The following RAB5IF variants were observed in gnomAD, a reference collection of about 807,000 sequenced individuals.
RAB5IF encodes the protein RAB5 interacting factor.
Under a neutral mutation model 20.3 loss-of-function variants are expected in RAB5IF, and 15 were observed. That is an observed-to-expected ratio of 0.74 (90% CI 0.50 to 1.14). The LOEUF is 1.14. RAB5IF is among the 50% of genes most tolerant of loss of function. The pLI, the probability that RAB5IF is intolerant of heterozygous loss-of-function variation, is 0.00. For missense variants in RAB5IF, 148 were observed against 159.5 expected (o/e 0.93, Z 0.39); for synonymous variants, 67 against 63.7 (o/e 1.05, Z -0.25).
At chr20:36,607,265 T>C (rs1198355158) in intron 1 of RAB5IF, among the ~76,000 whole-genome samples, 11 of 151,124 alleles carry the variant, frequency 7.3e-5, no homozygotes, top group African/African-American at 2.7e-4. Context: ...GTATCTTTTT[T>C]TTTTTTTTTT....
intron 3 of RAB5IF, among the ~76,000 whole-genome samples, chr20:36,610,301 A>G (rs1246326245): frequency 6.6e-6 from 1 of 152,108 alleles, no homozygotes; most frequent in African/African-American, 2.4e-5. Context: ...GAAACTAGGA[A>G]ATATTTTTCA....
chr20:36,609,196 C>CTATATT (rs1568595486), intron 2 of RAB5IF, among the ~76,000 whole-genome samples: 3 of 46,634 alleles, frequency 6.4e-5, no homozygotes, highest in Non-Finnish European at 1.2e-4. Context: ...CACACACACG[C>CTATATT]ACACACGCAC....
At chr20:36,611,719 G>T (rs1446366997) in intron 3 of RAB5IF, among the ~76,000 whole-genome samples, 1 of 152,072 alleles carries the variant, frequency 6.6e-6, no homozygotes, top group Non-Finnish European at 1.5e-5. Context: ...AGTGTAATAT[G>T]CTTTACTTGA....
chr20:36,606,050 G>C lies in RAB5IF; in HGVS notation c.99G>C (p.Ala33=), dbSNP rs558353606. ...SVWSKVLRSD[A]AWEDKDEFLD... ...GGAGTAAGGTGCTGCGGAGCGACGCGGCCTGGGAGGATAAGGTACGGTGGA... is the reference window on the plus strand; with the variant it reads ...GGAGTAAGGTGCTGCGGAGCGACGCCGCCTGGGAGGATAAGGTACGGTGGA... The change falls in exon 1 of 4, where the codon GCG becomes GCC. Residue 33 remains alanine, a synonymous_variant. Transcript: ENST00000344795. The C allele has an allele frequency of 6.6e-7, 1 of 1,511,830 alleles. No individual in the cohort carries two copies. The highest frequency in any genetic ancestry group is 2.1e-5 in the Admixed American group (1 of 48,068). The allele number at this position is 1,511,830 out of a possible 1,614,324, so 93.7% of individuals were successfully genotyped here.
rs202088044 is a variant in RAB5IF at position 36,612,157 on chromosome 20, C to T, written c.*106C>T. ...CCCCAGCCCCTTGGAACTTGGAAGA[C>T]CCGTGTTTCCTGGACCGCGAATCAG... On this transcript the variant is annotated 3_prime_UTR_variant, in exon 4 of 4. Transcript: ENST00000344795. 46 of 1,614,092 alleles carry T rather than the reference C, an allele frequency of 2.8e-5. No homozygotes were observed. Among genetic ancestry groups the T allele is most frequent in the Admixed American group, 1.8e-4 (11 of 59,998 alleles).
chr20:36,609,537 G>A (rs2039058766), intron 2 of RAB5IF, 64 bp from the exon 3 acceptor site: 1 of 1,517,752 alleles, frequency 6.6e-7, no homozygotes, highest in African/African-American at 1.4e-5. Context: ...ACCACACCCG[G>A]CCCCGAGTTC....
intron 3 of RAB5IF, among the ~76,000 whole-genome samples, chr20:36,611,538 ACT>A (rs1455188620): frequency 1.3e-5 from 2 of 151,032 alleles, no homozygotes; most frequent in Non-Finnish European, 2.9e-5. Flanking sequence ...ATGTGTCCAG[ACT>A]CTAACCCAAA....
intron 2 of RAB5IF, among the ~76,000 whole-genome samples, chr20:36,609,219 G>GCACACACGCA (rs2039034627): frequency 2.3e-5 from 1 of 42,774 alleles, no homozygotes; most frequent in Non-Finnish European, 4.4e-5. Context: ...ACGCACACAC[G>GCACACACGCA]CACACACACA....
At chr20:36,609,207 ACACGCACACACG>A (rs1412366029) in intron 2 of RAB5IF, among the ~76,000 whole-genome samples, 1,090 of 65,778 alleles carry the variant, frequency 0.017, 292 homozygotes, top group African/African-American at 0.024. Flanking sequence ...ACACACGCAC[ACACGCACACACG>A]CACACACACA....
At position 36,612,371 on chromosome 20, in the gene RAB5IF, CATTAA is replaced by C. The variant is rs2039145868; in HGVS notation, c.*324_*328del. On this transcript the variant is annotated 3_prime_UTR_variant, in exon 4 of 4. Coordinates refer to ENST00000344795, the MANE Select transcript of RAB5IF (RefSeq NM_018840.5). ...GATGCACCTCTGGATTCAGATGAAA[CATTAA>C]ATTGTCTTCCTCGATTCTCCATCGG... 1.4e-6 allele frequency: 1 copy of C among 728,126 alleles called. No individual in the cohort carries two copies. Among genetic ancestry groups the C allele is most frequent in the Non-Finnish European group, 2.3e-6 (1 of 427,078 alleles). The allele number at this position is 728,126 out of a possible 1,614,324, so 45.1% of individuals were successfully genotyped here. A position where few individuals can be genotyped will look rare whatever the true frequency, so the allele number is the denominator to read the frequency against.
chr20:36,609,693 C>T lies in RAB5IF; in HGVS notation c.311C>T (p.Thr104Met), dbSNP rs757230747. Residue 104 changes from threonine (T) to methionine (M), a missense_variant, in exon 3 of 4, where the codon ACG (threonine) becomes ATG (methionine). By Grantham distance (81) the Thr-to-Met change is moderately conservative. Transcript: ENST00000344795. The stretch of plus-strand genomic sequence containing the variant: ...GAATATGGTGGCACGTGGGAGCTCA[C>T]GAAGGAAGGGTTTATGACCTCTTTT... ...EEEYGGTWELTKEGFMTSFAL... is the reference protein window; with the variant it reads ...EEEYGGTWELMKEGFMTSFAL... 5.6e-6 allele frequency: 9 copies of T among 1,614,140 alleles called. No homozygotes were observed. Among genetic ancestry groups the T allele is most frequent in the Admixed American group, 1.7e-5 (1 of 60,012 alleles).
chr20:36,606,196 G>A lies in RAB5IF; in HGVS notation c.114+131G>A, dbSNP rs1015228840. ...TAGGGCAGTGGGGCGGGTGGCCCAA[G>A]GGTGTCAGAGCAAACTTGGCGGGCA... On this transcript the variant is annotated intron_variant, in intron 1 of 3. Transcript: ENST00000344795. The A allele has an allele frequency of 7.8e-6, 4 of 511,912 alleles. No individual in the cohort carries two copies. In the South Asian group the frequency reaches 1.5e-4, roughly 20 times the overall value. 31.7% of individuals were successfully genotyped at this position (511,912 alleles called of 1,614,324 possible).
chr20:36,611,926 A>T, intron 3 of RAB5IF, 84 bp from the exon 4 acceptor site: 2 of 1,578,784 alleles, frequency 1.3e-6, no homozygotes, highest in Non-Finnish European at 1.7e-6. Context: ...CCCCGTGTTT[A>T]CATTCTCATC....
At chr20:36,609,551 G>C (rs762540052) in intron 2 of RAB5IF, 50 bp from the exon 3 acceptor site, 1 of 1,526,472 alleles carries the variant, frequency 6.6e-7, no homozygotes. Flanking sequence ...CGAGTTCTGA[G>C]TCTTCTAAGC....
chr20:36,611,557 A>G (rs1262299772), intron 3 of RAB5IF, among the ~76,000 whole-genome samples: 2 of 152,030 alleles, frequency 1.3e-5, no homozygotes, highest in Non-Finnish European at 2.9e-5. Flanking sequence ...CAAACCAATA[A>G]AATCTTTTGA....
chr20:36,606,314 G>T (rs1304679239), intron 1 of RAB5IF, among the ~76,000 whole-genome samples: 1 of 152,246 alleles, frequency 6.6e-6, no homozygotes, highest in African/African-American at 2.4e-5. Context: ...GGGGAGAGGC[G>T]TTGTCATTCG....
At chr20:36,610,696 T>C (rs1222647886) in intron 3 of RAB5IF, among the ~76,000 whole-genome samples, 1 of 146,814 alleles carries the variant, frequency 6.8e-6, no homozygotes, top group East Asian at 2.0e-4. Flanking sequence ...CGAGACTCCG[T>C]CTCAAAAAAA....
intron 2 of RAB5IF, among the ~76,000 whole-genome samples, chr20:36,609,156 T>TACATACATACATATATACAC: frequency 9.4e-4 from 16 of 17,052 alleles, no homozygotes; most frequent in Non-Finnish European, 1.5e-3. Context: ...AGAACTATAT[T>TACATACATACATATATACAC]ACACACACAC....
At chr20:36,610,194 G>C (rs2039073950) in intron 3 of RAB5IF, among the ~76,000 whole-genome samples, 1 of 151,186 alleles carries the variant, frequency 6.6e-6, no homozygotes, top group African/African-American at 2.4e-5. Flanking sequence ...CGAGGCATGA[G>C]AATCGCTTGA....
Sources: allele counts gnomAD v4.1 joint callset (sites outside exome capture counted in the v4.1 genomes callset), GRCh38; gene constraint gnomAD v4.1.1; transcripts MANE v1.5; gene names NCBI Gene and HGNC (gene_info 2026-07-23, HGNC 2026-07-21).